PI4KA: variants seen among roughly 807,000 people sequenced by gnomAD.
PI4KA encodes phosphatidylinositol 4-kinase alpha.
A neutral mutation model predicts 271.4 loss-of-function variants in PI4KA; 122 were observed. The observed-to-expected ratio is 0.45, with a 90% CI of 0.39 to 0.52. The LOEUF (loss-of-function observed/expected upper bound fraction) is 0.52. Ranked by LOEUF, PI4KA falls within the 20% of genes least tolerant of loss-of-function variation. PI4KA has a pLI of 0.00. For synonymous variants in PI4KA, 1,041 were observed against 1,078.8 expected (o/e 0.96, Z 0.69); for missense variants, 1,969 against 2,769.1 (o/e 0.71, Z 6.48).
At chr22:20,779,372 G>A in intron 19 of PI4KA, 1 of 1,614,212 alleles carries the variant, frequency 6.2e-7, no homozygotes, top group Non-Finnish European at 8.5e-7. Context: ...CGTGGGGTGG[G>A]AGCAAAGGCC....
intron 19 of PI4KA, among the ~76,000 whole-genome samples, chr22:20,777,118 T>C (rs563681139): frequency 2.0e-5 from 3 of 152,156 alleles, no homozygotes; most frequent in South Asian, 2.1e-4. Context: ...AGTGGCGTGA[T>C]CACGGCTCAC....
At chr22:20,782,009 G>A (rs540175614) in intron 19 of PI4KA, among the ~76,000 whole-genome samples, 9 of 152,310 alleles carry the variant, frequency 5.9e-5, no homozygotes, top group Admixed American at 3.3e-4. Context: ...TACAATACTA[G>A]TACAATATGA....
At chr22:20,773,545 G>A (rs971113480) in intron 19 of PI4KA, among the ~76,000 whole-genome samples, 15 of 152,174 alleles carry the variant, frequency 9.9e-5, no homozygotes, top group Non-Finnish European at 1.9e-4. Context: ...GCACCTACTG[G>A]CAACAAACAC....
At chr22:20,850,350 C>G (rs1926805527) in intron 1 of PI4KA, among the ~76,000 whole-genome samples, 1 of 151,874 alleles carries the variant, frequency 6.6e-6, no homozygotes, top group Non-Finnish European at 1.5e-5. Flanking sequence ...AGCCTGGAAC[C>G]CCGTCTCTAC....
chr22:20,737,647 T>C (rs894416307), intron 32 of PI4KA, among the ~76,000 whole-genome samples: 6 of 151,436 alleles, frequency 4.0e-5, no homozygotes, highest in African/African-American at 1.5e-4. Flanking sequence ...TTTTTTTTTT[T>C]TGAGACGGAG....
At chr22:20,717,958 C>A (rs2147191839) in intron 44 of PI4KA, 180 bp from the exon 45 acceptor site, 1 of 613,404 alleles carries the variant, frequency 1.6e-6, no homozygotes, top group Admixed American at 2.4e-5. Flanking sequence ...CATGGAGAAT[C>A]CCCGACAGCC....
chr22:20,803,377 C>G (rs903398112), intron 12 of PI4KA, 57 bp from the exon 13 acceptor site: 2 of 1,608,454 alleles, frequency 1.2e-6, no homozygotes, highest in African/African-American at 2.7e-5. Flanking sequence ...TCTGAGTAGG[C>G]CCTGAGCAGG....
At chr22:20,709,445 G>A in intron 53 of PI4KA, 66 bp from the exon 54 acceptor site, 2 of 767,928 alleles carry the variant, frequency 2.6e-6, no homozygotes, top group South Asian at 1.5e-5. Context: ...CCCAGTGGGA[G>A]GAGGGTCTTC....
intron 3 of PI4KA, 105 bp from the exon 4 acceptor site, chr22:20,824,519 G>T: frequency 1.3e-6 from 1 of 746,862 alleles, no homozygotes. Flanking sequence ...CCTGCCAAGG[G>T]ACCAGTTTAC....
In PI4KA at chr22:20,810,610, T is replaced by C. The variant is rs1935948267; in HGVS notation, c.1071+357A>G. On this transcript the variant is annotated intron_variant, in intron 9 of 54. Coordinates refer to ENST00000255882, the MANE Select transcript of PI4KA (RefSeq NM_058004.4). ...TAGCTCTGAGCCCAGAGGAGCAGCT[T>C]TGGAAGCACCAAAGGAGTGAGGAAG... Among the ~76,000 whole-genome samples the C allele has an allele frequency of 2.0e-5, 3 of 151,984 alleles. No homozygotes were observed. In the South Asian group the frequency reaches 6.2e-4, roughly 32 times the overall value.
At chr22:20,785,966 T>G in intron 19 of PI4KA, 1 of 1,614,018 alleles carries the variant, frequency 6.2e-7, no homozygotes, top group Non-Finnish European at 8.5e-7. Flanking sequence ...TAACTTGTGG[T>G]TCAATAAAAC....
intron 32 of PI4KA, among the ~76,000 whole-genome samples, chr22:20,739,037 C>CAAAAAAAAAAA (rs1214493282): frequency 4.4e-5 from 2 of 45,632 alleles, no homozygotes; most frequent in African/African-American, 1.7e-4. Flanking sequence ...GACTCAGTCA[C>CAAAAAAAAAAA]AAAAAAAAAA....
In PI4KA at chr22:20,764,901, G is replaced by A. The variant is rs772037892; in HGVS notation, c.2624C>T (p.Pro875Leu). The A allele has an allele frequency of 4.3e-6, 7 of 1,612,890 alleles. No individual in the cohort carries two copies. The Admixed American group carries it at 1.2e-4, about 27-fold the overall frequency. ...RSTIINLLDP[P>L]PEVSALINKL... ...GTTGATGAGTGCGGACACCTCGGGA[G>A]GGGGGTCCAGCAGGTTGATGATAGT... The change falls in exon 22 of 55, where the codon CCT becomes CTT. Residue 875 changes from proline (P) to leucine (L), a missense_variant. By Grantham distance (98) the Pro-to-Leu change is moderately conservative. Transcript: ENST00000255882.
chr22:20,775,189 C>A (rs571055491), intron 19 of PI4KA, among the ~76,000 whole-genome samples: 1 of 151,256 alleles, frequency 6.6e-6, no homozygotes, highest in East Asian at 1.9e-4. Context: ...ATATGAAGTT[C>A]CCAGGAAAAA....
In PI4KA at chr22:20,739,604, G is replaced by A. The variant is rs118018608; in HGVS notation, c.3741+2624C>T. Among the ~76,000 whole-genome samples the A allele has an allele frequency of 7.8e-3, 1,152 of 147,834 alleles. 11 individuals are homozygous for A. Among genetic ancestry groups the A allele is most frequent in the East Asian group, 0.058 (284 of 4,928 alleles). On this transcript the variant is annotated intron_variant, in intron 32 of 54. Coordinates refer to ENST00000255882, the MANE Select transcript of PI4KA (RefSeq NM_058004.4). ...GAAACAAAAACTTTCAAACATTGAA[G>A]AAAAAAGATAAAAAGAAACTGACCC... is the stretch of plus-strand genomic sequence containing the variant.
At chr22:20,845,750 A>G (rs1036355990) in intron 1 of PI4KA, among the ~76,000 whole-genome samples, 2 of 152,200 alleles carry the variant, frequency 1.3e-5, no homozygotes, top group African/African-American at 4.8e-5. Flanking sequence ...CTGTAATCCC[A>G]GCTGCTTGGG....
At chr22:20,849,206 T>C (rs1187617857) in intron 1 of PI4KA, among the ~76,000 whole-genome samples, 1 of 152,178 alleles carries the variant, frequency 6.6e-6, no homozygotes, top group African/African-American at 2.4e-5. Context: ...AGAGTGTTGG[T>C]GACAATGTAA....
intron 19 of PI4KA, among the ~76,000 whole-genome samples, chr22:20,782,979 A>G (rs1933915114): frequency 8.5e-6 from 1 of 117,458 alleles, no homozygotes; most frequent in Non-Finnish European, 1.8e-5. Context: ...ACCTTGAACA[A>G]GTTACTTCAC....
intron 32 of PI4KA, among the ~76,000 whole-genome samples, chr22:20,739,788 C>T (rs932143317): frequency 5.3e-5 from 8 of 152,058 alleles, no homozygotes; most frequent in South Asian, 2.1e-4. Flanking sequence ...AATGGCTGGG[C>T]GTGGTGGCTC....
Sources: allele counts gnomAD v4.1 joint callset (sites outside exome capture counted in the v4.1 genomes callset), GRCh38; gene constraint gnomAD v4.1.1; transcripts MANE v1.5; gene names NCBI Gene and HGNC (gene_info 2026-07-23, HGNC 2026-07-21).